The following CAMKMT variants were observed in gnomAD, a reference collection of about 807,000 sequenced individuals.
The protein encoded by CAMKMT is CaM KMT.
Under a neutral mutation model 48.0 loss-of-function variants are expected in CAMKMT, and 53 were observed. That is an observed-to-expected ratio of 1.10 (90% CI 0.89 to 1.39). CAMKMT has a LOEUF of 1.39. Among genes scored for constraint, CAMKMT ranks in the 40% most tolerant of loss-of-function variants. The probability of loss-of-function intolerance (pLI) is 0.00; values close to 1 mark genes in which losing one functional copy is unlikely to be tolerated. For missense variants in CAMKMT, 428 were observed against 402.7 expected, an observed-to-expected ratio of 1.06 and a Z score of -0.54; for synonymous variants, 165 against 152.3, an observed-to-expected ratio of 1.08 and a Z score of -0.61.
At position 44,639,429 on chromosome 2, in the gene CAMKMT, C is replaced by T. The variant is rs1267195935; in HGVS notation, c.377-64854C>T. 6.6e-5 allele frequency among the ~76,000 whole-genome samples: 10 copies of T among 152,312 alleles called. No individual in the cohort carries two copies. The South Asian group carries it at 1.2e-3, about 19-fold the overall frequency. On this transcript the variant is annotated intron_variant, in intron 3 of 10. Transcript: ENST00000378494. ...GGAGTCAGACTGCATGGGATTCAAT[C>T]GCAACTCTGCCACTTTCTAGTAAAT...
At position 44,772,364 on chromosome 2, in the gene CAMKMT, A is replaced by T. The variant is rs1681153309; in HGVS notation, c.*251A>T. The T allele has an allele frequency of 2.9e-6, 1 of 347,480 alleles. No individual in the cohort carries two copies. The highest frequency in any genetic ancestry group is 2.1e-5 in the African/African-American group (1 of 47,358). 21.5% of individuals were successfully genotyped at this position (347,480 alleles called of 1,614,324 possible). A position where few individuals can be genotyped will look rare whatever the true frequency, so the allele number is the denominator to read the frequency against. On this transcript the variant is annotated 3_prime_UTR_variant, in exon 11 of 11. Transcript: ENST00000378494. The stretch of plus-strand genomic sequence containing the variant: ...CCTTTGTTTGTCTTTAAATGTGTAT[A>T]AGCTGCCTGTCTGTGACTTGAATTT...
At chr2:44,605,216 T>C (rs982807782) in intron 3 of CAMKMT, among the ~76,000 whole-genome samples, 1 of 152,076 alleles carries the variant, frequency 6.6e-6, no homozygotes, top group African/African-American at 2.4e-5. Flanking sequence ...GAAATCAAGG[T>C]TGAGAAATTA....
At chr2:44,651,893 C>T (rs949998200) in intron 3 of CAMKMT, among the ~76,000 whole-genome samples, 2 of 152,142 alleles carry the variant, frequency 1.3e-5, no homozygotes, top group Non-Finnish European at 2.9e-5. Context: ...ATTTTGCTCA[C>T]AGTAGTATTG....
At chr2:44,545,223 T>C (rs1041761610) in intron 3 of CAMKMT, among the ~76,000 whole-genome samples, 1 of 152,258 alleles carries the variant, frequency 6.6e-6, no homozygotes, top group Non-Finnish European at 1.5e-5. Context: ...GTGAAAGGAT[T>C]GCTTCTGCAA....
chr2:44,411,515 C>G (rs1572803774), intron 3 of CAMKMT, among the ~76,000 whole-genome samples: 1 of 152,114 alleles, frequency 6.6e-6, no homozygotes, highest in East Asian at 1.9e-4. Flanking sequence ...GATTAGGTAA[C>G]CTACAGATTC....
At chr2:44,570,579 T>C (rs1238785644) in intron 3 of CAMKMT, among the ~76,000 whole-genome samples, 1 of 152,208 alleles carries the variant, frequency 6.6e-6, no homozygotes, top group African/African-American at 2.4e-5. Context: ...GTGTTTATTA[T>C]TTTTGATGCT....
intron 3 of CAMKMT, among the ~76,000 whole-genome samples, chr2:44,494,399 C>G (rs1169851616): frequency 1.3e-5 from 2 of 152,124 alleles, no homozygotes; most frequent in Non-Finnish European, 2.9e-5. Context: ...GAGAGACCAC[C>G]TCACTTTTTT....
chr2:44,691,321 T>TC (rs1367202782), intron 3 of CAMKMT, among the ~76,000 whole-genome samples: 2 of 152,208 alleles, frequency 1.3e-5, no homozygotes, highest in Non-Finnish European at 2.9e-5. Flanking sequence ...AAACTGACTA[T>TC]CAGCCCTACG....
At chr2:44,674,169 T>C (rs896615997) in intron 3 of CAMKMT, among the ~76,000 whole-genome samples, 1 of 152,234 alleles carries the variant, frequency 6.6e-6, no homozygotes, top group East Asian at 1.9e-4. Context: ...TACTTCATCA[T>C]GCTATATGTA....
chr2:44,372,816 A>G lies in CAMKMT; in HGVS notation c.239A>G (p.Glu80Gly). The change falls in exon 2 of 11, where the codon GAA becomes GGA. Residue 80 changes from glutamate to glycine, a missense_variant. Coordinates refer to ENST00000378494, the MANE Select transcript of CAMKMT (RefSeq NM_024766.5). ...LFSVTEGKER[E>G]TEEEVGAWVQ... is the part of the protein sequence containing the mutation. Reference sequence around the variant, plus strand: ...TCAGTAACAGAAGGCAAAGAAAGGGAAACTGAAGAGGAGGTTGGTGCATGG... The same window carrying G: ...TCAGTAACAGAAGGCAAAGAAAGGGGAACTGAAGAGGAGGTTGGTGCATGG... 3 of 1,614,042 alleles carry G rather than the reference A, an allele frequency of 1.9e-6. No individual in the cohort carries two copies. The highest frequency in any genetic ancestry group is 2.5e-6 in the Non-Finnish European group (3 of 1,179,948).
intron 3 of CAMKMT, among the ~76,000 whole-genome samples, chr2:44,509,596 A>G (rs1451074049): frequency 6.6e-6 from 1 of 152,094 alleles, no homozygotes; most frequent in Non-Finnish European, 1.5e-5. Flanking sequence ...AATAAGTATA[A>G]TTCCTGCTGT....
At chr2:44,402,546 A>G (rs1682474464) in intron 3 of CAMKMT, among the ~76,000 whole-genome samples, 1 of 151,834 alleles carries the variant, frequency 6.6e-6, no homozygotes, top group Non-Finnish European at 1.5e-5. Context: ...TGTATTTTCA[A>G]ACATTGTGTT....
rs560586546 is a variant in CAMKMT at position 44,420,723 on chromosome 2, A to G, written c.376+30418A>G. ...GATAATTTGGAGCTAAAATAATTTA[A>G]TTATATTTTTTAAAATATTTGTTGA... On this transcript the variant is annotated intron_variant, in intron 3 of 10. Transcript: ENST00000378494. 5.3e-5 allele frequency among the ~76,000 whole-genome samples: 8 copies of G among 152,048 alleles called. 1 individual carries two copies. In the East Asian group the frequency reaches 7.7e-4, roughly 15 times the overall value.
intron 3 of CAMKMT, among the ~76,000 whole-genome samples, chr2:44,547,259 A>G (rs974930300): frequency 6.6e-6 from 1 of 152,180 alleles, no homozygotes; most frequent in African/African-American, 2.4e-5. Flanking sequence ...AGCTCAGCAG[A>G]AGTAAAAGTA....
chr2:44,621,881 A>T (rs914349542), intron 3 of CAMKMT, among the ~76,000 whole-genome samples: 2 of 152,218 alleles, frequency 1.3e-5, no homozygotes, highest in African/African-American at 4.8e-5. Context: ...AGACTATTGC[A>T]TTATTCTAAG....
intron 3 of CAMKMT, 107 bp from the exon 4 acceptor site, chr2:44,704,176 T>C: frequency 1.5e-6 from 1 of 650,790 alleles, no homozygotes; most frequent in Non-Finnish European, 2.5e-6. Flanking sequence ...AATAACAATG[T>C]TGTTTGATTG....
intron 3 of CAMKMT, among the ~76,000 whole-genome samples, chr2:44,540,798 G>A (rs962487666): frequency 2.0e-5 from 3 of 152,320 alleles, no homozygotes; most frequent in African/African-American, 7.2e-5. Context: ...TTGTTACTGA[G>A]ATGTAATTGC....
chr2:44,608,287 T>C (rs1279384025), intron 3 of CAMKMT, among the ~76,000 whole-genome samples: 1 of 152,086 alleles, frequency 6.6e-6, no homozygotes, highest in Non-Finnish European at 1.5e-5. Context: ...TTAGCCAAGA[T>C]GGTCTCGATC....
At chr2:44,375,250 G>GA (rs1462604525) in intron 2 of CAMKMT, among the ~76,000 whole-genome samples, 1 of 151,536 alleles carries the variant, frequency 6.6e-6, no homozygotes, top group African/African-American at 2.4e-5. Context: ...CAATGAAGTG[G>GA]AGTACTCTCA....
Sources: allele counts gnomAD v4.1 joint callset (sites outside exome capture counted in the v4.1 genomes callset), GRCh38; gene constraint gnomAD v4.1.1; transcripts MANE v1.5; gene names NCBI Gene and HGNC (gene_info 2026-07-23, HGNC 2026-07-21).